Variants in RNF217 observed in about 807,000 individuals in gnomAD.
RNF217 encodes ring finger protein 217.
In RNF217, 31 loss-of-function variants were observed where a neutral mutation model predicts 57.8. The ratio of observed to expected loss-of-function variants is 0.54; its 90% CI spans 0.40 to 0.72. RNF217 has a LOEUF of 0.72. Ranked by LOEUF, RNF217 falls within the 30% of genes least tolerant of loss-of-function variation. RNF217 has a pLI of 0.00. For synonymous variants in RNF217, 313 were observed against 294.0 expected, an observed-to-expected ratio of 1.06 and a Z score of -0.66; for missense variants, 696 against 708.3, an observed-to-expected ratio of 0.98 and a Z score of 0.20.
At chr6:124,987,824 T>A (rs762989526) in intron 1 of RNF217, among the ~76,000 whole-genome samples, 3 of 152,176 alleles carry the variant, frequency 2.0e-5, no homozygotes, top group Non-Finnish European at 2.9e-5. Context: ...TTGAATCTTG[T>A]GATTCAAATA....
chr6:125,045,068 A>AT (rs1186438024), intron 1 of RNF217, 143 bp from the exon 2 acceptor site: 1 of 615,420 alleles, frequency 1.6e-6, no homozygotes, highest in African/African-American at 1.9e-5. Flanking sequence ...TATCAAGGTG[A>AT]TTAACATTCA....
intron 1 of RNF217, chr6:124,983,454 A>T: frequency 1.0e-6 from 1 of 984,904 alleles, no homozygotes; most frequent in Non-Finnish European, 1.2e-6. Context: ...AGCCTGAGTG[A>T]TGGTTTAGTG....
intron 2 of RNF217, among the ~76,000 whole-genome samples, chr6:125,052,496 G>A (rs564365433): frequency 9.2e-5 from 14 of 152,040 alleles, no homozygotes; most frequent in South Asian, 4.1e-4. Flanking sequence ...CATGAAGACT[G>A]TATGTTACTG....
At chr6:124,999,425 T>G (rs903074236) in intron 1 of RNF217, among the ~76,000 whole-genome samples, 1 of 152,188 alleles carries the variant, frequency 6.6e-6, no homozygotes, top group Non-Finnish European at 1.5e-5. Flanking sequence ...TCCCACTTCT[T>G]TTAGAAAAAG....
At position 125,071,394 on chromosome 6, in the gene RNF217, G is replaced by A. The variant is rs74895810; in HGVS notation, c.1282-5263G>A. ...GTGGACTGGGTTGCCAGCATTTTTTGGATATTGTGTTTTGTTTTTTCACAT... is the reference window on the plus strand; with the variant it reads ...GTGGACTGGGTTGCCAGCATTTTTTAGATATTGTGTTTTGTTTTTTCACAT... On this transcript the variant is annotated intron_variant, in intron 3 of 5. Transcript: ENST00000521654. 9.8e-4 allele frequency among the ~76,000 whole-genome samples: 148 copies of A among 151,454 alleles called. 1 individual carries two copies. The highest frequency in any genetic ancestry group is 3.4e-3 in the African/African-American group (141 of 41,302).
Position 125,086,005 on chromosome 6 carries a change from C to T in RNF217, c.*3068C>T, listed in dbSNP as rs1475427267. 6.6e-6 allele frequency: 1 copy of T among 151,940 alleles called. No homozygotes were observed. The highest frequency in any genetic ancestry group is 1.9e-4 in the East Asian group (1 of 5,198). 9.4% of individuals were successfully genotyped at this position (151,940 alleles called of 1,614,324 possible). ...AATTAGTCCCCTGTTGAATGGACTA[C>T]AAGATTATTTTCACTTCTCTATTAC... On this transcript the variant is annotated 3_prime_UTR_variant, in exon 6 of 6. Transcript: ENST00000521654.
intron 1 of RNF217, among the ~76,000 whole-genome samples, chr6:124,982,493 C>T (rs562729855): frequency 3.9e-5 from 6 of 151,998 alleles, no homozygotes; most frequent in Admixed American, 1.3e-4. Context: ...TGGTACCTCA[C>T]GTATGGGAAA....
chr6:125,021,195 G>A (rs184310039), intron 1 of RNF217, among the ~76,000 whole-genome samples: 1 of 151,940 alleles, frequency 6.6e-6, no homozygotes, highest in Non-Finnish European at 1.5e-5. Context: ...GTTTAACTGT[G>A]GTTCCTCTAC....
At chr6:125,029,872 G>A (rs542922539) in intron 1 of RNF217, among the ~76,000 whole-genome samples, 404 of 152,312 alleles carry the variant, frequency 2.7e-3, no homozygotes, top group Non-Finnish European at 5.0e-3. Context: ...GCACTGTGTA[G>A]GGTGGGATTC....
At chr6:125,028,334 C>G (rs973763087) in intron 1 of RNF217, among the ~76,000 whole-genome samples, 5 of 152,082 alleles carry the variant, frequency 3.3e-5, no homozygotes, top group South Asian at 2.1e-4. Flanking sequence ...ATAGGAGCAC[C>G]TTTTCATATG....
intron 1 of RNF217, among the ~76,000 whole-genome samples, chr6:124,973,820 TA>T (rs920675461): frequency 6.0e-5 from 9 of 151,240 alleles, no homozygotes; most frequent in Admixed American, 2.6e-4. Flanking sequence ...CCTAGGAACA[TA>T]AAAAAAAAGA....
intron 1 of RNF217, among the ~76,000 whole-genome samples, chr6:125,023,033 A>G (rs1261091871): frequency 2.6e-5 from 4 of 152,176 alleles, no homozygotes; most frequent in African/African-American, 9.7e-5. Flanking sequence ...AAGAATTTAT[A>G]GGATAATAGG....
rs1186059969 is a variant in RNF217 at position 125,090,460 on chromosome 6, ATT to A, written c.*7524_*7525del. The A allele has an allele frequency of 6.6e-6, 1 of 151,910 alleles. No individual in the cohort carries two copies. Among genetic ancestry groups the A allele is most frequent in the Non-Finnish European group, 1.5e-5 (1 of 67,862 alleles). 9.4% of individuals were successfully genotyped at this position (151,910 alleles called of 1,614,324 possible). On this transcript the variant is annotated 3_prime_UTR_variant, in exon 6 of 6. Transcript: ENST00000521654. ...TTTCAAAACTGTGGGACAATTATTC[ATT>A]CTTTTCCCAAATAGAGTAAAATATT...
chr6:125,056,636 G>A (rs1046717897), intron 2 of RNF217, among the ~76,000 whole-genome samples: 2 of 152,064 alleles, frequency 1.3e-5, no homozygotes, highest in South Asian at 2.1e-4. Flanking sequence ...CAAAAAAGTT[G>A]TTTTCCAAAA....
intron 1 of RNF217, among the ~76,000 whole-genome samples, chr6:125,025,441 G>C (rs571373438): frequency 6.6e-6 from 1 of 152,274 alleles, no homozygotes; most frequent in African/African-American, 2.4e-5. Context: ...GAAGTTAGCA[G>C]AGGGAGGTGA....
intron 1 of RNF217, among the ~76,000 whole-genome samples, chr6:125,012,371 A>G (rs747890775): frequency 2.6e-5 from 4 of 152,306 alleles, no homozygotes; most frequent in Non-Finnish European, 4.4e-5. Flanking sequence ...TACAATGGAT[A>G]CTTTAAAGGT....
intron 4 of RNF217, among the ~76,000 whole-genome samples, chr6:125,077,304 G>A (rs1426628012): frequency 1.3e-5 from 2 of 152,096 alleles, no homozygotes; most frequent in Admixed American, 6.5e-5. Context: ...TTAGAGCCCT[G>A]TAATAGAGTT....
At chr6:125,038,250 G>A (rs1167895775) in intron 1 of RNF217, among the ~76,000 whole-genome samples, 1 of 152,020 alleles carries the variant, frequency 6.6e-6, no homozygotes, top group African/African-American at 2.4e-5. Context: ...TTTTACACAC[G>A]GAGCAGCAAA....
In RNF217 at chr6:125,084,454, A is replaced by T. The variant is rs906598843; in HGVS notation, c.*1517A>T. On this transcript the variant is annotated 3_prime_UTR_variant, in exon 6 of 6. Coordinates refer to ENST00000521654, the MANE Select transcript of RNF217 (RefSeq NM_001286398.3). ...GCCTAAAGCTTTAAATTGTCTCCAA[A>T]TTCTTAAAATTAGTCATCTGTCTTA... 1.3e-5 allele frequency: 2 copies of T among 152,014 alleles called. No individual in the cohort carries two copies. Among genetic ancestry groups the T allele is most frequent in the African/African-American group, 4.8e-5 (2 of 41,436 alleles). 9.4% of individuals were successfully genotyped at this position (152,014 alleles called of 1,614,324 possible).
Sources: gnomAD v4.1 joint callset for allele counts (sites outside exome capture counted in the v4.1 genomes callset) on GRCh38, gnomAD v4.1.1 for gene constraint, MANE v1.5 for transcripts, NCBI Gene and HGNC (gene_info 2026-07-23, HGNC 2026-07-21) for gene names.